The following ABI3BP variants were observed in gnomAD, a reference collection of about 807,000 sequenced individuals.
ABI3BP encodes the protein ABI family member 3 binding protein, also known as target of Nesh-SH3.
ABI3BP carries 216 observed loss-of-function variants against 268.6 expected under a neutral mutation model. That is an observed-to-expected ratio of 0.80 (90% confidence interval 0.72 to 0.90). The LOEUF is 0.90. Ranked by LOEUF, ABI3BP falls within the 40% of genes least tolerant of loss-of-function variation. ABI3BP has a pLI of 0.00. For synonymous variants in ABI3BP, 730 were observed against 730.0 expected (o/e 1.00, Z 0.00); for missense variants, 2,090 against 2,182.4 (o/e 0.96, Z 0.84).
In ABI3BP at chr3:100,765,105, T is replaced by C. The variant is rs530765573; in HGVS notation, c.4850+736A>G. On this transcript the variant is annotated intron_variant, in intron 63 of 67. Coordinates refer to ENST00000471714, the MANE Select transcript of ABI3BP (RefSeq NM_001375547.2). ...TCAATTGATGACAATGTGAACATTA[T>C]GAAAAAAAAAAAAAACTTGGAACTT... is the stretch of plus-strand genomic sequence containing the variant. Among the ~76,000 whole-genome samples the C allele has an allele frequency of 7.1e-3, 553 of 78,106 alleles. 3 individuals carry two copies. The highest frequency in any genetic ancestry group is 0.024 in the African/African-American group (526 of 21,628). The allele number at this position is 78,106 out of a possible 152,430, so 51.2% of individuals were successfully genotyped here.
At position 100,822,592 on chromosome 3, in the gene ABI3BP, G is replaced by A. The variant is rs181785820; in HGVS notation, c.2884C>T (p.Pro962Ser). Residue 962 changes from proline (P) to serine (S), a missense_variant, in exon 38 of 68, where the codon CCA becomes TCA. Transcript: ENST00000471714. ...AAACCAGGAACACATAGTTTACCTG[G>A]TTTGGATTCAGGTGCTTCAGGACGT... ...TPRPEAPESK[P>S]VPTAELKPVT... The A allele has an allele frequency of 9.4e-5, 145 of 1,536,274 alleles. 1 individual carries two copies. The South Asian group carries it at 1.1e-3, about 12-fold the overall frequency.
intron 41 of ABI3BP, 36 bp from the exon 42 acceptor site, chr3:100,817,531 A>G: frequency 2.2e-6 from 3 of 1,344,906 alleles, no homozygotes; most frequent in Non-Finnish European, 3.0e-6. Context: ...AAAAAGATTT[A>G]ACTTGAATAT....
intron 2 of ABI3BP, among the ~76,000 whole-genome samples, chr3:100,907,905 G>A (rs1482897331): frequency 1.3e-5 from 2 of 152,072 alleles, no homozygotes; most frequent in African/African-American, 4.8e-5. Context: ...CATGAGGTCA[G>A]GAGATCGAGA....
At chr3:100,857,978 G>A (rs2098958088) in intron 14 of ABI3BP, among the ~76,000 whole-genome samples, 1 of 152,208 alleles carries the variant, frequency 6.6e-6, no homozygotes. Flanking sequence ...AAGACACTGA[G>A]AACTTTTCTA....
At chr3:100,883,912 A>T (rs2040628622) in intron 6 of ABI3BP, among the ~76,000 whole-genome samples, 1 of 152,122 alleles carries the variant, frequency 6.6e-6, no homozygotes, top group Non-Finnish European at 1.5e-5. Flanking sequence ...ATGCCTACAA[A>T]TTGGAAACTT....
At chr3:100,769,369 A>C (rs1294214489) in intron 62 of ABI3BP, among the ~76,000 whole-genome samples, 2 of 152,206 alleles carry the variant, frequency 1.3e-5, no homozygotes, top group African/African-American at 2.4e-5. Context: ...TTACAAAAGC[A>C]GTTTGGTTAG....
intron 9 of ABI3BP, among the ~76,000 whole-genome samples, chr3:100,870,890 C>T (rs2099102784): frequency 1.3e-5 from 2 of 152,146 alleles, no homozygotes. Context: ...TTTGCAATAA[C>T]ATGGATAAAT....
At chr3:100,817,537 A>G in intron 41 of ABI3BP, 42 bp from the exon 42 acceptor site, 1 of 1,333,052 alleles carries the variant, frequency 7.5e-7, no homozygotes, top group Non-Finnish European at 1.0e-6. Flanking sequence ...ATTTAACTTG[A>G]ATATTAATTT....
chr3:100,952,487 G>T (rs2075418000), intron 1 of ABI3BP: 1 of 152,010 alleles, frequency 6.6e-6, no homozygotes, highest in African/African-American at 2.4e-5. Context: ...TTGTACTAGA[G>T]AAAAATTAAA....
Position 100,753,818 on chromosome 3 carries a change from C to T in ABI3BP, c.4960+1G>A. 6.2e-7 allele frequency: 1 copy of T among 1,611,080 alleles called. No homozygotes were observed. The highest frequency in any genetic ancestry group is 8.5e-7 in the Non-Finnish European group (1 of 1,178,820). On this transcript the variant is annotated splice_donor_variant, in intron 65 of 67. Transcript: ENST00000471714. LOFTEE classifies it high-confidence loss of function. ...TGTGCCTCATTGAGACAGGTACTTA[C>T]CAGAAACTGGCTCACTCACTCTTGG...
At chr3:100,795,128 C>T in intron 53 of ABI3BP, 125 bp from the exon 54 acceptor site, 1 of 607,142 alleles carries the variant, frequency 1.6e-6, no homozygotes, top group African/African-American at 1.9e-5. Context: ...TAAGTGTGCA[C>T]ACGACTTTCA....
At chr3:100,783,866 T>A (rs1233462896) in intron 57 of ABI3BP, among the ~76,000 whole-genome samples, 1 of 152,174 alleles carries the variant, frequency 6.6e-6, no homozygotes, top group Non-Finnish European at 1.5e-5. Flanking sequence ...GTTTGCACAA[T>A]CCCTTGGCCT....
Position 100,793,100 on chromosome 3 carries a change from C to T in ABI3BP, c.3947-332G>A, listed in dbSNP as rs535988191. 2.0e-5 allele frequency among the ~76,000 whole-genome samples: 3 copies of T among 151,914 alleles called. No individual in the cohort carries two copies. In the East Asian group the frequency reaches 5.8e-4, roughly 29 times the overall value. On this transcript the variant is annotated intron_variant, in intron 54 of 67. Transcript: ENST00000471714. Reference sequence around the variant, plus strand: ...CTAGTTGCCTCGATGTATTTATCTCCTTCATGTTTCTTTCCTGCCCATAAA... The same window carrying T: ...CTAGTTGCCTCGATGTATTTATCTCTTTCATGTTTCTTTCCTGCCCATAAA...
intron 31 of ABI3BP, among the ~76,000 whole-genome samples, 160 bp from the exon 32 acceptor site, chr3:100,830,794 T>C (rs2098478382): frequency 1.3e-5 from 2 of 152,164 alleles, no homozygotes; most frequent in Admixed American, 6.6e-5. Context: ...TTTGAATATT[T>C]CTCCAAACTT....
At chr3:100,789,893 G>C (rs767906596) in intron 55 of ABI3BP, among the ~76,000 whole-genome samples, 2 of 151,890 alleles carry the variant, frequency 1.3e-5, no homozygotes, top group Non-Finnish European at 1.5e-5. Flanking sequence ...TCAGTGAAGA[G>C]TCATTGTGAA....
chr3:100,798,230 A>C (rs1250583479), intron 51 of ABI3BP, among the ~76,000 whole-genome samples: 1 of 152,174 alleles, frequency 6.6e-6, no homozygotes, highest in Non-Finnish European at 1.5e-5. Context: ...CCAGCTGCTA[A>C]AATTGGCACT....
chr3:100,990,774 G>A (rs1160435169), intron 1 of ABI3BP, among the ~76,000 whole-genome samples: 2 of 152,030 alleles, frequency 1.3e-5, no homozygotes. Context: ...CTATCTGGCA[G>A]GAGGCAGGTT....
At chr3:100,854,188 TA>T (rs56306514) in intron 14 of ABI3BP, among the ~76,000 whole-genome samples, 2,242 of 128,854 alleles carry the variant, frequency 0.017, 40 homozygotes, top group African/African-American at 0.05. Context: ...CTGTCTCTAC[TA>T]AAAAAAAAAA....
At chr3:100,823,252 T>G (rs2098279321) in intron 37 of ABI3BP, among the ~76,000 whole-genome samples, 1 of 152,092 alleles carries the variant, frequency 6.6e-6, no homozygotes, top group African/African-American at 2.4e-5. Context: ...AACATGACAA[T>G]TTCAAGCAGA....
Sources: allele counts gnomAD v4.1 joint callset (sites outside exome capture counted in the v4.1 genomes callset), GRCh38; gene constraint gnomAD v4.1.1; transcripts MANE v1.5; gene names NCBI Gene and HGNC (gene_info 2026-07-23, HGNC 2026-07-21).